Variants in TIGD1 observed in about 807,000 individuals in gnomAD.
TIGD1 encodes tigger transposable element derived 1, also known as tigger transposable element-derived protein 1.
TIGD1 carries 20 observed loss-of-function variants against 21.3 expected under a neutral mutation model. The ratio of observed to expected loss-of-function variants is 0.94; its 90% CI spans 0.66 to 1.36. TIGD1 has a LOEUF of 1.36. Ranked by LOEUF, TIGD1 falls within the 40% of genes most tolerant of loss-of-function variation. The pLI is 0.00. For synonymous variants in TIGD1, 177 were observed against 123.2 expected, an observed-to-expected ratio of 1.44 and a Z score of -2.89; for missense variants, 556 against 350.5, an observed-to-expected ratio of 1.59 and a Z score of -4.68.
In TIGD1 at chr2:232,549,219, A is replaced by T; in HGVS notation, c.664T>A (p.Leu222Met). 2 of 684,994 alleles carry T rather than the reference A, an allele frequency of 2.9e-6. No individual in the cohort carries two copies. Among genetic ancestry groups the T allele is most frequent in the South Asian group, 3.2e-5 (2 of 62,176 alleles). The allele number at this position is 684,994 out of a possible 1,614,324, so 42.4% of individuals were successfully genotyped here. ...TCACCAGCTGCATTAGCCCCTAACAAGAGAGTCAGCCTGTCCTTTGAAGCT... is the reference window on the plus strand; with the variant it reads ...TCACCAGCTGCATTAGCCCCTAACATGAGAGTCAGCCTGTCCTTTGAAGCT... ...FKASKDRLTL[L>M]LGANAAGDFK... The change falls in exon 1 of 1, where the codon TTG (leucine) becomes ATG (methionine). Residue 222 changes from leucine to methionine, a missense_variant. Leu to Met is a conservative substitution (Grantham distance 15). Transcript: ENST00000408957.
At position 232,548,078 on chromosome 2, in the gene TIGD1, A is replaced by C. The variant is rs1220992953; in HGVS notation, c.*29T>G. 1.6e-6 allele frequency: 1 copy of C among 607,810 alleles called. No homozygotes were observed. Among genetic ancestry groups the C allele is most frequent in the Non-Finnish European group, 2.8e-6 (1 of 355,840 alleles). The allele number at this position is 607,810 out of a possible 1,614,324, so 37.7% of individuals were successfully genotyped here. A position where few individuals can be genotyped will look rare whatever the true frequency, so the allele number is the denominator to read the frequency against. On this transcript the variant is annotated 3_prime_UTR_variant, in exon 1 of 1. Transcript: ENST00000408957. ...AACAATATACATACCTAAATTTAAA[A>C]ATACTTTATTGCTAAAAAATGCTGA...
At position 232,550,508 on chromosome 2, in the gene TIGD1, G is replaced by A. The variant is rs1692260955; in HGVS notation, c.-626C>T. On this transcript the variant is annotated 5_prime_UTR_variant, in exon 1 of 1. Transcript: ENST00000408957. ...GGCGGGTCACAAGGACCTGGACAGA[G>A]GCAGAACTGAGGCCAGCAGCCAGCT... The A allele has an allele frequency of 3.3e-6, 2 of 611,692 alleles. No individual in the cohort carries two copies. Among genetic ancestry groups the A allele is most frequent in the African/African-American group, 2.0e-5 (1 of 50,360 alleles). The allele number at this position is 611,692 out of a possible 1,614,324, so 37.9% of individuals were successfully genotyped here. A position where few individuals can be genotyped will look rare whatever the true frequency, so the allele number is the denominator to read the frequency against.
At position 232,547,935 on chromosome 2, in the gene TIGD1, G is replaced by A. The variant is rs1692159619; in HGVS notation, c.*172C>T. The A allele has an allele frequency of 2.2e-6, 1 of 454,840 alleles. No homozygotes were observed. The highest frequency in any genetic ancestry group is 3.8e-6 in the Non-Finnish European group (1 of 261,154). The allele number at this position is 454,840 out of a possible 1,614,324, so 28.2% of individuals were successfully genotyped here. On this transcript the variant is annotated 3_prime_UTR_variant, in exon 1 of 1. Transcript: ENST00000408957. ...ATACCTCAAAGACATTGCAGGTTCA[G>A]TTCCAGACCAACACAAGAAAGCAAG...
chr2:232,548,864 G>C lies in TIGD1; in HGVS notation c.1019C>G (p.Ser340Trp). ...TCTCAAATAATAAGACTTGAAGGTC[G>C]AAATTACCCCTTGATCCATGGGCTG... ...ILQPMDQGVI[S>W]TFKSYYLRNT... Residue 340 changes from serine (S) to tryptophan (W), a missense_variant, in exon 1 of 1, where the codon TCG (serine) becomes TGG (tryptophan). Coordinates refer to ENST00000408957, the MANE Select transcript of TIGD1 (RefSeq NM_145702.4). 1.6e-6 allele frequency: 1 copy of C among 628,010 alleles called. No individual in the cohort carries two copies. Among genetic ancestry groups the C allele is most frequent in the African/African-American group, 1.8e-5 (1 of 55,806 alleles). The allele number at this position is 628,010 out of a possible 1,614,324, so 38.9% of individuals were successfully genotyped here.
At position 232,549,913 on chromosome 2, in the gene TIGD1, ATTG is replaced by A; in HGVS notation, c.-34_-32del. 1 of 1,217,106 alleles carries A rather than the reference ATTG, an allele frequency of 8.2e-7. No individual in the cohort carries two copies. The highest frequency in any genetic ancestry group is 2.6e-5 in the Admixed American group (1 of 38,142). 75.4% of individuals were successfully genotyped at this position (1,217,106 alleles called of 1,614,324 possible). ...AGTCATTAATTCGCCTAATCTCAAT[ATTG>A]TTGTGTCTCAGGGAATAGGGAGGCC... On this transcript the variant is annotated 5_prime_UTR_variant, in exon 1 of 1. Transcript: ENST00000408957.
Position 232,550,248 on chromosome 2 carries a change from G to T in TIGD1, c.-366C>A. 1 of 289,612 alleles carries T rather than the reference G, an allele frequency of 3.5e-6. No homozygotes were observed. The highest frequency in any genetic ancestry group is 6.8e-6 in the Non-Finnish European group (1 of 147,724). The allele number at this position is 289,612 out of a possible 1,614,324, so 17.9% of individuals were successfully genotyped here. ...CAAACCCTCCATTTGTTTTCAGAAT[G>T]CCCTATCTGCGAAGCGTAATAAAAC... is the stretch of plus-strand genomic sequence containing the variant. On this transcript the variant is annotated 5_prime_UTR_variant, in exon 1 of 1. Coordinates refer to ENST00000408957, the MANE Select transcript of TIGD1 (RefSeq NM_145702.4).
In TIGD1 at chr2:232,545,615, A is replaced by C. The variant is rs1417592760; in HGVS notation, c.*2492T>G. ...CTTCCTGGCCATGCTCTCGCTCTTC[A>C]TCTGTGGCACAGCTGGCATCTTCCT... On this transcript the variant is annotated 3_prime_UTR_variant, in exon 1 of 1. Coordinates refer to ENST00000408957, the MANE Select transcript of TIGD1 (RefSeq NM_145702.4). 3 of 1,614,002 alleles carry C rather than the reference A, an allele frequency of 1.9e-6. No individual in the cohort carries two copies. Among genetic ancestry groups the C allele is most frequent in the Non-Finnish European group, 2.5e-6 (3 of 1,180,028 alleles).
rs778703865 is a variant in TIGD1 at position 232,548,755 on chromosome 2, T to C, written c.1128A>G (p.Lys376=). ...TAATGGCATCTAAAATGGTGAATCC[T>C]TTCCAGAAGGTTTTCAATTTGCTTT... ...SGQSKLKTFW[K]GFTILDAIKN... Residue 376 remains lysine, a synonymous_variant, in exon 1 of 1, where the codon AAA becomes AAG. Coordinates refer to ENST00000408957, the MANE Select transcript of TIGD1 (RefSeq NM_145702.4). 11 of 519,086 alleles carry C rather than the reference T, an allele frequency of 2.1e-5. No individual in the cohort carries two copies. Among genetic ancestry groups the C allele is most frequent in the Admixed American group, 9.1e-5 (4 of 44,038 alleles). The allele number at this position is 519,086 out of a possible 1,614,324, so 32.2% of individuals were successfully genotyped here.
Position 232,544,877 on chromosome 2 carries a change from G to A in TIGD1, c.*3230C>T, listed in dbSNP as rs758083179. ...GCCTGCAACCTCATTGCCTGTGCCC[G>A]GCACCAGCAGAGTCACTTTGACAAT... is the stretch of plus-strand genomic sequence containing the variant. On this transcript the variant is annotated 3_prime_UTR_variant, in exon 1 of 1. Transcript: ENST00000408957. The A allele has an allele frequency of 1.8e-5, 29 of 1,613,848 alleles. No homozygotes were observed. The highest frequency in any genetic ancestry group is 2.4e-5 in the Non-Finnish European group (28 of 1,180,020).
chr2:232,544,327 A>G lies in TIGD1; in HGVS notation c.*3780T>C, dbSNP rs778243312. 2.7e-6 allele frequency: 4 copies of G among 1,502,868 alleles called. No homozygotes were observed. In the Admixed American group the frequency reaches 6.7e-5, roughly 25 times the overall value. 93.1% of individuals were successfully genotyped at this position (1,502,868 alleles called of 1,614,324 possible). On this transcript the variant is annotated 3_prime_UTR_variant, in exon 1 of 1. Coordinates refer to ENST00000408957, the MANE Select transcript of TIGD1 (RefSeq NM_145702.4). ...CGCCAACCTCTGGCTTCTGCTCTGA[A>G]GCTCGGCCTGCTGCCCTAGTGAAGC...
rs143522081 is a variant in TIGD1 at position 232,544,427 on chromosome 2, G to T, written c.*3680C>A. On this transcript the variant is annotated 3_prime_UTR_variant, in exon 1 of 1. Transcript: ENST00000408957. Reference sequence around the variant, plus strand: ...GCACGTTCGCCCGCTGGCCCCGGCAGCTGTGCAGGACACCCAGTCCCGGCT... The same window carrying T: ...GCACGTTCGCCCGCTGGCCCCGGCATCTGTGCAGGACACCCAGTCCCGGCT... The T allele has an allele frequency of 2.7e-5, 43 of 1,613,510 alleles. No individual in the cohort carries two copies. The highest frequency in any genetic ancestry group is 3.6e-5 in the Non-Finnish European group (43 of 1,180,006).
chr2:232,550,505 A>G lies in TIGD1; in HGVS notation c.-623T>C, dbSNP rs1574652264. ...GCGGGCGGGTCACAAGGACCTGGAC[A>G]GAGGCAGAACTGAGGCCAGCAGCCA... On this transcript the variant is annotated 5_prime_UTR_variant, in exon 1 of 1. Coordinates refer to ENST00000408957, the MANE Select transcript of TIGD1 (RefSeq NM_145702.4). 1.7e-6 allele frequency: 1 copy of G among 599,784 alleles called. No individual in the cohort carries two copies. The highest frequency in any genetic ancestry group is 3.0e-6 in the Non-Finnish European group (1 of 338,810). 37.2% of individuals were successfully genotyped at this position (599,784 alleles called of 1,614,324 possible). A position where few individuals can be genotyped will look rare whatever the true frequency, so the allele number is the denominator to read the frequency against.
Position 232,548,144 on chromosome 2 carries a change from G to A in TIGD1, c.1739C>T (p.Pro580Leu). 3.7e-6 allele frequency: 4 copies of A among 1,088,362 alleles called. No homozygotes were observed. The highest frequency in any genetic ancestry group is 5.2e-6 in the Non-Finnish European group (4 of 770,398). The allele number at this position is 1,088,362 out of a possible 1,614,324, so 67.4% of individuals were successfully genotyped here. ...QPSTSRQDPP[P>L]AKRVRLTEGS... is the part of the protein sequence containing the mutation. ...TTCGGTGAGTCGTACTCTTTTTGCT[G>A]GTGGAGGGTCTTGCCTCGAGGTTGA... The change falls in exon 1 of 1, where the codon CCA becomes CTA. Residue 580 changes from proline to leucine, a missense_variant. By Grantham distance (98) the Pro-to-Leu change is moderately conservative (BLOSUM62 -3). Coordinates refer to ENST00000408957, the MANE Select transcript of TIGD1 (RefSeq NM_145702.4).
chr2:232,545,843 CA>C lies in TIGD1; in HGVS notation c.*2263del. ...AAGTGCCCTTCAGGACTGTGTGAGC[CA>C]AACAGCCCTGAGAAAAGCTGGGGAA... On this transcript the variant is annotated 3_prime_UTR_variant, in exon 1 of 1. Coordinates refer to ENST00000408957, the MANE Select transcript of TIGD1 (RefSeq NM_145702.4). 10 of 1,087,036 alleles carry C rather than the reference CA, an allele frequency of 9.2e-6. No homozygotes were observed. Among genetic ancestry groups the C allele is most frequent in the Non-Finnish European group, 1.4e-5 (10 of 723,362 alleles). The allele number at this position is 1,087,036 out of a possible 1,614,324, so 67.3% of individuals were successfully genotyped here.
At position 232,546,148 on chromosome 2, in the gene TIGD1, T is replaced by G. The variant is rs1286449378; in HGVS notation, c.*1959A>C. The G allele has an allele frequency of 3.3e-6, 1 of 304,516 alleles. No individual in the cohort carries two copies. The highest frequency in any genetic ancestry group is 2.2e-5 in the African/African-American group (1 of 46,056). The allele number at this position is 304,516 out of a possible 1,614,324, so 18.9% of individuals were successfully genotyped here. A position where few individuals can be genotyped will look rare whatever the true frequency, so the allele number is the denominator to read the frequency against. Reference sequence around the variant, plus strand: ...AGGTGTGAAGAGTAGCAGCCGATGCTCTCTCCAAAGCAGGGCAGCAGCCCA... The same window carrying G: ...AGGTGTGAAGAGTAGCAGCCGATGCGCTCTCCAAAGCAGGGCAGCAGCCCA... On this transcript the variant is annotated 3_prime_UTR_variant, in exon 1 of 1. Transcript: ENST00000408957.
rs1036315840 is a variant in TIGD1, at chr2:232,549,866, G to A, written c.17C>T (p.Ser6Leu). The change falls in exon 1 of 1, where the codon TCA (serine) becomes TTA (leucine). Residue 6 changes from serine to leucine, a missense_variant. Transcript: ENST00000408957. MASKC[S>L]SERKSRTSLT... is the part of the protein sequence containing the mutation. ...AGATGTGCGACTCTTCCTTTCACTT[G>A]AGCACTTAGAGGCCATTGCAGAGTC... 1.3e-6 allele frequency: 2 copies of A among 1,501,634 alleles called. No homozygotes were observed. The highest frequency in any genetic ancestry group is 1.4e-5 in the African/African-American group (1 of 71,770). The allele number at this position is 1,501,634 out of a possible 1,614,324, so 93.0% of individuals were successfully genotyped here.
chr2:232,545,542 G>C lies in TIGD1; in HGVS notation c.*2565C>G. Reference sequence around the variant, plus strand: ...ATCCCACACCTGCCTCCCACCCTCAGGGGAATGAGGAGTGGTTCCTGGTGG... The same window carrying C: ...ATCCCACACCTGCCTCCCACCCTCACGGGAATGAGGAGTGGTTCCTGGTGG... On this transcript the variant is annotated 3_prime_UTR_variant, in exon 1 of 1. Coordinates refer to ENST00000408957, the MANE Select transcript of TIGD1 (RefSeq NM_145702.4). 1 of 1,613,390 alleles carries C rather than the reference G, an allele frequency of 6.2e-7. No homozygotes were observed. Among genetic ancestry groups the C allele is most frequent in the Non-Finnish European group, 8.5e-7 (1 of 1,179,774 alleles).
At position 232,544,364 on chromosome 2, in the gene TIGD1, T is replaced by C; in HGVS notation, c.*3743A>G. The stretch of plus-strand genomic sequence containing the variant: ...TGCCCTAGTGAAGCCACCCCCTCTC[T>C]AGGTGTTCCTGAGGCTCTTGCCCCA... On this transcript the variant is annotated 3_prime_UTR_variant, in exon 1 of 1. Coordinates refer to ENST00000408957, the MANE Select transcript of TIGD1 (RefSeq NM_145702.4). 1 of 1,612,420 alleles carries C rather than the reference T, an allele frequency of 6.2e-7. No homozygotes were observed.
Position 232,548,140 on chromosome 2 carries a change from TGCTGGTGGAG to T in TIGD1, c.1733_1742del (p.Pro578GlnfsTer23). On this transcript the variant is annotated frameshift_variant, in exon 1 of 1. Coordinates refer to ENST00000408957, the MANE Select transcript of TIGD1 (RefSeq NM_145702.4). LOFTEE classifies it high-confidence loss of function. ...AGCCTTCGGTGAGTCGTACTCTTTT[TGCTGGTGGAG>T]GGTCTTGCCTCGAGGTTGATGGTTG... 9.7e-7 allele frequency: 1 copy of T among 1,035,010 alleles called. No homozygotes were observed. Among genetic ancestry groups the T allele is most frequent in the Non-Finnish European group, 1.4e-6 (1 of 725,348 alleles). 64.1% of individuals were successfully genotyped at this position (1,035,010 alleles called of 1,614,324 possible).
Sources: gnomAD v4.1 joint callset for allele counts on GRCh38, gnomAD v4.1.1 for gene constraint, MANE v1.5 for transcripts, NCBI Gene and HGNC (gene_info 2026-07-23, HGNC 2026-07-21) for gene names.